TAFA4: variants seen among roughly 807,000 people sequenced by gnomAD.
The protein encoded by TAFA4 is TAFA chemokine like family member 4.
A neutral mutation model predicts 21.1 loss-of-function variants in TAFA4; 20 were observed. That is an observed-to-expected ratio of 0.95 (90% CI 0.67 to 1.38). TAFA4 has a LOEUF of 1.38. TAFA4 is among the 40% of genes most tolerant of loss of function. The probability of loss-of-function intolerance (pLI) is 0.00; values close to 1 mark genes in which losing one functional copy is unlikely to be tolerated. For missense variants in TAFA4, 211 were observed against 180.9 expected, an observed-to-expected ratio of 1.17 and a Z score of -0.95; for synonymous variants, 71 against 67.4, an observed-to-expected ratio of 1.05 and a Z score of -0.26.
At chr3:68,858,569 C>A (rs1159282120) in intron 3 of TAFA4, among the ~76,000 whole-genome samples, 1 of 134,634 alleles carries the variant, frequency 7.4e-6, no homozygotes, top group East Asian at 2.4e-4. Flanking sequence ...AGGTACTATT[C>A]CAAGTGACGT....
intron 1 of TAFA4, among the ~76,000 whole-genome samples, chr3:68,897,503 G>A (rs542029903): frequency 5.7e-4 from 86 of 151,950 alleles, no homozygotes; most frequent in Non-Finnish European, 1.1e-3. Flanking sequence ...GTACATGCCT[G>A]TAATCCCAGC....
At chr3:68,858,449 G>T (rs1430116408) in intron 3 of TAFA4, among the ~76,000 whole-genome samples, 2 of 152,002 alleles carry the variant, frequency 1.3e-5, no homozygotes, top group African/African-American at 4.8e-5. Flanking sequence ...TTTCCCAATT[G>T]ATGGGAAAAG....
chr3:68,798,511 A>G (rs1029955131), intron 3 of TAFA4, among the ~76,000 whole-genome samples: 2 of 152,176 alleles, frequency 1.3e-5, no homozygotes, highest in South Asian at 4.1e-4. Context: ...TAAGAGGGAT[A>G]TGTTCCAGCT....
intron 3 of TAFA4, among the ~76,000 whole-genome samples, chr3:68,867,407 A>G (rs547757441): frequency 6.6e-6 from 1 of 152,148 alleles, no homozygotes; most frequent in Non-Finnish European, 1.5e-5. Flanking sequence ...GCACTACTAG[A>G]CTTGTCTTAC....
rs373094876 is a variant in TAFA4, at chr3:68,732,155, C to T, written c.*987G>A. 3.3e-5 allele frequency: 5 copies of T among 152,584 alleles called. No individual in the cohort carries two copies. The East Asian group carries it at 9.7e-4, about 30-fold the overall frequency. The allele number at this position is 152,584 out of a possible 1,614,324, so 9.5% of individuals were successfully genotyped here. On this transcript the variant is annotated 3_prime_UTR_variant, in exon 6 of 6. Coordinates refer to ENST00000295569, the MANE Select transcript of TAFA4 (RefSeq NM_182522.5). ...CAAAATCATTAAGCCAATCAGGACTCAGATTTTAAAGAAATAAGATGGCTA... is the reference window on the plus strand; with the variant it reads ...CAAAATCATTAAGCCAATCAGGACTTAGATTTTAAAGAAATAAGATGGCTA...
chr3:68,842,095 G>C (rs1003421301), intron 3 of TAFA4, among the ~76,000 whole-genome samples: 4 of 152,002 alleles, frequency 2.6e-5, no homozygotes, highest in African/African-American at 9.7e-5. Flanking sequence ...TGGTATTTCT[G>C]GTTCTAGATC....
chr3:68,915,172 A>G (rs1190500483), intron 1 of TAFA4, among the ~76,000 whole-genome samples: 1 of 152,160 alleles, frequency 6.6e-6, no homozygotes. Context: ...CTATTCTCAA[A>G]TACCCACCAT....
In TAFA4 at chr3:68,932,262, T is replaced by G. The variant is rs928931009; in HGVS notation, c.-145A>C. The G allele has an allele frequency of 6.6e-6, 1 of 151,810 alleles. No individual in the cohort carries two copies. Among genetic ancestry groups the G allele is most frequent in the Admixed American group, 6.6e-5 (1 of 15,266 alleles). 9.4% of individuals were successfully genotyped at this position (151,810 alleles called of 1,614,324 possible). Reference sequence around the variant, plus strand: ...TACTCGACTAGAGCCGGCATCCAAGTCGGACCGGCGCGTCCGGAACTAGGT... The same window carrying G: ...TACTCGACTAGAGCCGGCATCCAAGGCGGACCGGCGCGTCCGGAACTAGGT... On this transcript the variant is annotated 5_prime_UTR_variant, in exon 1 of 6. Coordinates refer to ENST00000295569, the MANE Select transcript of TAFA4 (RefSeq NM_182522.5).
At chr3:68,796,246 A>C (rs1369588931) in intron 3 of TAFA4, among the ~76,000 whole-genome samples, 2 of 152,178 alleles carry the variant, frequency 1.3e-5, no homozygotes, top group Non-Finnish European at 2.9e-5. Flanking sequence ...CAATAAATGA[A>C]AAATTAGTGA....
chr3:68,897,642 T>G (rs1158527795), intron 1 of TAFA4, among the ~76,000 whole-genome samples: 1 of 150,070 alleles, frequency 6.7e-6, no homozygotes, highest in Non-Finnish European at 1.5e-5. Context: ...AAAAAAATAT[T>G]TATTTTTCCC....
chr3:68,840,899 C>A (rs1384923392), intron 3 of TAFA4, among the ~76,000 whole-genome samples: 2 of 152,166 alleles, frequency 1.3e-5, no homozygotes, highest in African/African-American at 4.8e-5. Flanking sequence ...TAATACTGAA[C>A]TAAATGGAGT....
intron 3 of TAFA4, among the ~76,000 whole-genome samples, chr3:68,785,680 G>C (rs1575607852): frequency 6.6e-6 from 1 of 152,352 alleles, no homozygotes; most frequent in Admixed American, 6.5e-5. Context: ...GAGGGAGACG[G>C]CTCCGGCCTT....
intron 1 of TAFA4, among the ~76,000 whole-genome samples, chr3:68,893,936 T>C (rs1465988031): frequency 6.6e-6 from 1 of 152,176 alleles, no homozygotes; most frequent in Non-Finnish European, 1.5e-5. Flanking sequence ...AAATTTTTAA[T>C]AAAGCCATAT....
chr3:68,878,358 A>G (rs2089578069), intron 3 of TAFA4, among the ~76,000 whole-genome samples: 1 of 152,218 alleles, frequency 6.6e-6, no homozygotes, highest in African/African-American at 2.4e-5. Context: ...ATTCACAGGA[A>G]TAAATCTTAA....
At chr3:68,878,875 GT>G (rs1293696978) in intron 3 of TAFA4, among the ~76,000 whole-genome samples, 1 of 151,960 alleles carries the variant, frequency 6.6e-6, no homozygotes, top group African/African-American at 2.4e-5. Context: ...TTTCATTTTG[GT>G]TTTTTTAATG....
chr3:68,851,434 C>A (rs928919562), intron 3 of TAFA4, among the ~76,000 whole-genome samples: 4 of 152,016 alleles, frequency 2.6e-5, no homozygotes, highest in African/African-American at 9.7e-5. Flanking sequence ...CAGCAAACCA[C>A]CGTGGCACAC....
intron 4 of TAFA4, among the ~76,000 whole-genome samples, chr3:68,741,641 A>G (rs903368141): frequency 6.6e-6 from 1 of 152,062 alleles, no homozygotes; most frequent in Non-Finnish European, 1.5e-5. Flanking sequence ...AAAAATAAAA[A>G]AAAGCCAGGC....
intron 3 of TAFA4, among the ~76,000 whole-genome samples, chr3:68,822,278 C>T (rs1460975600): frequency 6.6e-6 from 1 of 152,122 alleles, no homozygotes; most frequent in Non-Finnish European, 1.5e-5. Flanking sequence ...ACCAAATGAG[C>T]TATTTGATAT....
chr3:68,913,595 G>T (rs933029924), intron 1 of TAFA4: 2 of 152,226 alleles, frequency 1.3e-5, no homozygotes, highest in African/African-American at 4.8e-5. Flanking sequence ...TTTCAAGCTG[G>T]ACCACCTGGG....
Sources: gnomAD v4.1 joint callset for allele counts (sites outside exome capture counted in the v4.1 genomes callset) on GRCh38, gnomAD v4.1.1 for gene constraint, MANE v1.5 for transcripts, NCBI Gene and HGNC (gene_info 2026-07-23, HGNC 2026-07-21) for gene names.